The following GABRB1 variants were observed in gnomAD, a reference collection of about 807,000 sequenced individuals.
The protein encoded by GABRB1 is gamma-aminobutyric acid receptor subunit beta-1.
In GABRB1, 17 loss-of-function variants were observed where a neutral mutation model predicts 51.6. That is an observed-to-expected ratio of 0.33 (90% CI 0.23 to 0.49). The LOEUF is 0.49. Among genes scored for constraint, GABRB1 ranks in the 20% least tolerant of loss-of-function variants. The pLI is 0.99. For synonymous variants in GABRB1, 247 were observed against 218.9 expected (o/e 1.13, Z -1.14); for missense variants, 410 against 600.6 (o/e 0.68, Z 3.32).
intron 5 of GABRB1, among the ~76,000 whole-genome samples, chr4:47,350,522 G>T (rs1025844417): frequency 6.6e-6 from 1 of 151,424 alleles, no homozygotes; most frequent in Non-Finnish European, 1.5e-5. Flanking sequence ...GGACAATAAT[G>T]TTTACTTCAT....
chr4:47,175,364 CT>C (rs1560571799), intron 4 of GABRB1, among the ~76,000 whole-genome samples: 1 of 151,960 alleles, frequency 6.6e-6, no homozygotes, highest in Non-Finnish European at 1.5e-5. Context: ...GCCCTGTAAT[CT>C]TTTTTAAAAG....
intron 5 of GABRB1, among the ~76,000 whole-genome samples, chr4:47,357,699 T>C (rs901690075): frequency 6.6e-6 from 1 of 152,156 alleles, no homozygotes; most frequent in Non-Finnish European, 1.5e-5. Context: ...GTGTTGATGG[T>C]ACAAGTAATG....
At chr4:47,030,234 T>A (rs1418047979), upstream of GABRB1, among the ~76,000 whole-genome samples, 2 of 152,210 alleles carry the variant, frequency 1.3e-5, no homozygotes, top group Non-Finnish European at 2.9e-5. Context: ...TTCTTGTGCA[T>A]ATTTTTCCCC....
chr4:47,120,274 C>T (rs1047421211), intron 3 of GABRB1, among the ~76,000 whole-genome samples: 8 of 152,118 alleles, frequency 5.3e-5, no homozygotes, highest in Non-Finnish European at 8.8e-5. Context: ...GAGAGATTGA[C>T]TCTGATACAA....
At chr4:47,261,657 A>G (rs1051606011) in intron 4 of GABRB1, among the ~76,000 whole-genome samples, 1 of 151,954 alleles carries the variant, frequency 6.6e-6, no homozygotes, top group Non-Finnish European at 1.5e-5. Context: ...CCATCAAGCT[A>G]CCAATGACTT....
chr4:47,376,750 G>A (rs968193184), intron 5 of GABRB1, among the ~76,000 whole-genome samples: 1 of 150,024 alleles, frequency 6.7e-6, no homozygotes, highest in Admixed American at 6.6e-5. Context: ...GCAGTGAAAG[G>A]AAATGGAAGG....
At chr4:47,216,935 T>A (rs28587597) in intron 4 of GABRB1, among the ~76,000 whole-genome samples, 52,394 of 151,452 alleles carry the variant, frequency 0.35, 9,374 homozygotes, top group African/African-American at 0.38. Flanking sequence ...GTGAAGAAAA[T>A]TTGCAAATAA....
intron 4 of GABRB1, among the ~76,000 whole-genome samples, chr4:47,311,556 G>T (rs2109953119): frequency 6.6e-6 from 1 of 152,162 alleles, no homozygotes; most frequent in Admixed American, 6.6e-5. Flanking sequence ...GCCAAGGAAT[G>T]CAAATGCCCC....
intron 3 of GABRB1, among the ~76,000 whole-genome samples, chr4:47,149,419 C>T (rs1717327884): frequency 6.6e-6 from 1 of 151,862 alleles, no homozygotes. Flanking sequence ...ATATAGTGTT[C>T]CTGCTGATCA....
intron 4 of GABRB1, among the ~76,000 whole-genome samples, chr4:47,203,033 C>G (rs1363292842): frequency 6.6e-6 from 1 of 152,162 alleles, no homozygotes; most frequent in Non-Finnish European, 1.5e-5. Context: ...CTCCACCTCC[C>G]ATACAGATAC....
intron 8 of GABRB1, among the ~76,000 whole-genome samples, chr4:47,415,454 C>T (rs1728881093): frequency 6.6e-6 from 1 of 152,074 alleles, no homozygotes; most frequent in Non-Finnish European, 1.5e-5. Flanking sequence ...ATTTCTTATA[C>T]CCCATAGTTA....
At chr4:47,287,203 T>A (rs1404549781) in intron 4 of GABRB1, among the ~76,000 whole-genome samples, 4 of 152,220 alleles carry the variant, frequency 2.6e-5, no homozygotes, top group Non-Finnish European at 5.9e-5. Flanking sequence ...TTATACCAGG[T>A]TGCACCCTAT....
chr4:47,304,053 A>T (rs1241577820), intron 4 of GABRB1, among the ~76,000 whole-genome samples: 1 of 152,054 alleles, frequency 6.6e-6, no homozygotes, highest in African/African-American at 2.4e-5. Flanking sequence ...TTCTTTATCC[A>T]TTCAACTGTT....
At chr4:47,124,966 C>T (rs750290099) in intron 3 of GABRB1, among the ~76,000 whole-genome samples, 22 of 152,214 alleles carry the variant, frequency 1.4e-4, no homozygotes, top group Middle Eastern at 3.4e-3. Flanking sequence ...GGGGTATGGA[C>T]ATCTAAAGCC....
intron 4 of GABRB1, among the ~76,000 whole-genome samples, chr4:47,189,244 T>C (rs561306154): frequency 7.9e-5 from 12 of 151,810 alleles, no homozygotes; most frequent in African/African-American, 2.4e-4. Flanking sequence ...TTGGAGTGAA[T>C]GGAGAGTACC....
chr4:47,192,601 G>A (rs951762862), intron 4 of GABRB1, among the ~76,000 whole-genome samples: 2 of 152,056 alleles, frequency 1.3e-5, no homozygotes, highest in Admixed American at 1.3e-4. Context: ...ATAAATAAAT[G>A]TGTTAAGTCT....
At chr4:47,246,349 T>C (rs1258408821) in intron 4 of GABRB1, among the ~76,000 whole-genome samples, 25 of 14,154 alleles carry the variant, frequency 1.8e-3, no homozygotes, top group Non-Finnish European at 2.5e-3. Context: ...TATATATATA[T>C]ATATATATAT....
At chr4:47,187,934 A>T (rs1217286829) in intron 4 of GABRB1, among the ~76,000 whole-genome samples, 1 of 151,790 alleles carries the variant, frequency 6.6e-6, no homozygotes, top group Non-Finnish European at 1.5e-5. Context: ...TACTTCATTC[A>T]CTTCCACCAT....
chr4:47,029,651 A>C (rs1323036911), upstream of GABRB1, among the ~76,000 whole-genome samples: 2 of 151,946 alleles, frequency 1.3e-5, no homozygotes, highest in African/African-American at 4.8e-5. Flanking sequence ...ATTCTCCTAT[A>C]TAGTTTAAAG....
Sources: gnomAD v4.1 joint callset for allele counts (sites outside exome capture counted in the v4.1 genomes callset) on GRCh38, gnomAD v4.1.1 for gene constraint, MANE v1.5 for transcripts, NCBI Gene and HGNC (gene_info 2026-07-23, HGNC 2026-07-21) for gene names.